FAM47E: variants seen among roughly 807,000 people sequenced by gnomAD.
FAM47E encodes protein FAM47E.
FAM47E carries 32 observed loss-of-function variants against 41.6 expected under a neutral mutation model. The ratio of observed to expected loss-of-function variants is 0.77; its 90% CI spans 0.58 to 1.03. FAM47E has a LOEUF of 1.03. Among genes scored for constraint, FAM47E ranks in the 50% least tolerant of loss-of-function variants. The pLI, the probability that FAM47E is intolerant of heterozygous loss-of-function variation, is 0.00. For synonymous variants in FAM47E, 184 were observed against 188.7 expected, an observed-to-expected ratio of 0.98 and a Z score of 0.20; for missense variants, 424 against 485.4, an observed-to-expected ratio of 0.87 and a Z score of 1.19.
At chr4:76,260,578 G>T (rs984443819) in intron 2 of FAM47E, among the ~76,000 whole-genome samples, 1 of 152,090 alleles carries the variant, frequency 6.6e-6, no homozygotes, top group East Asian at 1.9e-4. Flanking sequence ...GTGGACTAAA[G>T]ACTTAAATGT....
At chr4:76,280,086 C>G (rs1010063360) in intron 6 of FAM47E, 178 bp from the exon 7 acceptor site, 1 of 463,166 alleles carries the variant, frequency 2.2e-6, no homozygotes, top group South Asian at 3.7e-5. Flanking sequence ...GAAAGCTGGA[C>G]ATCTTTAAAA....
intron 5 of FAM47E, among the ~76,000 whole-genome samples, chr4:76,276,077 C>T (rs567804136): frequency 2.0e-5 from 3 of 150,440 alleles, no homozygotes; most frequent in Non-Finnish European, 4.5e-5. Flanking sequence ...CACCCCTCCC[C>T]TACATACAAA....
chr4:76,253,042 AC>A (rs1234291161), intron 1 of FAM47E, among the ~76,000 whole-genome samples: 1 of 152,008 alleles, frequency 6.6e-6, no homozygotes, highest in Non-Finnish European at 1.5e-5. Context: ...TTCTTTTCCC[AC>A]CCCAGCCTTG....
chr4:76,262,451 A>AT (rs1481937243), intron 2 of FAM47E, among the ~76,000 whole-genome samples: 1 of 151,926 alleles, frequency 6.6e-6, no homozygotes, highest in Non-Finnish European at 1.5e-5. Context: ...TGTAAGTGTT[A>AT]TTTTTTACAA....
rs142931819 is a variant in FAM47E, at chr4:76,222,561, C to T, written c.81+4873C>T. Among the ~76,000 whole-genome samples the T allele has an allele frequency of 7.4e-3, 1,127 of 152,226 alleles. 10 individuals carry two copies. The highest frequency in any genetic ancestry group is 0.012 in the Non-Finnish European group (798 of 67,990). On this transcript the variant is annotated intron_variant, in intron 2 of 7. Transcript: ENST00000510197. Reference sequence around the variant, plus strand: ...ATCTTCTCCTTAGTCCTTAACTCTCCGCTGCCTCCACCAGCCCTGTCCTAG... The same window carrying T: ...ATCTTCTCCTTAGTCCTTAACTCTCTGCTGCCTCCACCAGCCCTGTCCTAG...
chr4:76,214,995 G>A (rs2109976045), intron 1 of FAM47E, among the ~76,000 whole-genome samples: 1 of 152,360 alleles, frequency 6.6e-6, no homozygotes, highest in Non-Finnish European at 1.5e-5. Flanking sequence ...AGGCCATTGG[G>A]GTGGGGAATC....
Position 76,283,766 on chromosome 4 carries a change from G to A in FAM47E, c.*308G>A, listed in dbSNP as rs1444947724. 1.0e-5 allele frequency: 2 copies of A among 198,182 alleles called. No homozygotes were observed. The highest frequency in any genetic ancestry group is 2.0e-5 in the Non-Finnish European group (2 of 98,032). The allele number at this position is 198,182 out of a possible 1,614,324, so 12.3% of individuals were successfully genotyped here. A position where few individuals can be genotyped will look rare whatever the true frequency, so the allele number is the denominator to read the frequency against. On this transcript the variant is annotated 3_prime_UTR_variant, in exon 8 of 8. Transcript: ENST00000424749. ...TCAACTATTGGTAAAAATAAATAAA[G>A]GCATAAATAAAAACAGACTTACTCT...
chr4:76,231,094 A>G (rs1364218194), intron 2 of FAM47E, among the ~76,000 whole-genome samples: 12 of 152,166 alleles, frequency 7.9e-5, no homozygotes, highest in Admixed American at 7.9e-4. Flanking sequence ...TGCTAAGGTG[A>G]AACCGTAGAA....
At chr4:76,222,028 T>C (rs1733318360) in intron 2 of FAM47E, among the ~76,000 whole-genome samples, 1 of 152,174 alleles carries the variant, frequency 6.6e-6, no homozygotes, top group South Asian at 2.1e-4. Context: ...TATACTAATA[T>C]CTCTATATGA....
At chr4:76,278,469 T>C in intron 6 of FAM47E, 1 of 423,636 alleles carries the variant, frequency 2.4e-6, no homozygotes, top group South Asian at 1.0e-4. Context: ...CTACTCATGC[T>C]ATTCCACCAT....
chr4:76,250,324 T>A (rs1733925679), upstream of FAM47E, among the ~76,000 whole-genome samples: 2 of 152,186 alleles, frequency 1.3e-5, no homozygotes, highest in Admixed American at 1.3e-4. Flanking sequence ...TATCTAGCCT[T>A]TTTTCATATG....
At chr4:76,233,554 G>C (rs1423004523) in intron 2 of FAM47E, among the ~76,000 whole-genome samples, 1 of 143,434 alleles carries the variant, frequency 7.0e-6, no homozygotes, top group Non-Finnish European at 1.5e-5. Context: ...AAATTAATTA[G>C]AGCTCTTTTT....
chr4:76,248,178 T>G (rs1275987812), upstream of FAM47E, among the ~76,000 whole-genome samples: 2 of 151,986 alleles, frequency 1.3e-5, no homozygotes, highest in Non-Finnish European at 2.9e-5. Context: ...CCTCCCAAAG[T>G]GCTGGGATTA....
chr4:76,219,653 C>T lies in FAM47E; in HGVS notation c.81+1965C>T, dbSNP rs994206977. Reference sequence around the variant, plus strand: ...GGATGGAGAGTGAAGAGGGGACTGTCTGAGGGTAGAGGCAGACTTTGTCAG... The same window carrying T: ...GGATGGAGAGTGAAGAGGGGACTGTTTGAGGGTAGAGGCAGACTTTGTCAG... On this transcript the variant is annotated intron_variant, in intron 2 of 7. Coordinates refer to the FAM47E transcript ENST00000510197. Among the ~76,000 whole-genome samples the T allele has an allele frequency of 2.6e-5, 4 of 151,956 alleles. No homozygotes were observed. The South Asian group carries it at 8.3e-4, about 32-fold the overall frequency.
chr4:76,261,849 T>G (rs1734431642), intron 2 of FAM47E, among the ~76,000 whole-genome samples: 1 of 151,414 alleles, frequency 6.6e-6, no homozygotes. Flanking sequence ...AAATAAAAAG[T>G]TTTTTTTTAA....
intron 2 of FAM47E, among the ~76,000 whole-genome samples, 186 bp downstream of exon 2, chr4:76,256,709 A>G (rs1734209892): frequency 6.6e-6 from 1 of 152,160 alleles, no homozygotes; most frequent in African/African-American, 2.4e-5. Context: ...AGAAAACACA[A>G]TCAGCAGCAA....
intron 1 of FAM47E, 31 bp from the exon 2 acceptor site, chr4:76,256,147 T>C (rs1734181443): frequency 6.5e-7 from 1 of 1,536,944 alleles, no homozygotes; most frequent in Non-Finnish European, 8.8e-7. Flanking sequence ...TGTGGTATTC[T>C]AGGTACAAAG....
At chr4:76,265,038 T>G (rs1421408689) in intron 3 of FAM47E, among the ~76,000 whole-genome samples, 1 of 152,158 alleles carries the variant, frequency 6.6e-6, no homozygotes, top group Non-Finnish European at 1.5e-5. Flanking sequence ...ATGTAGAGCT[T>G]GTTGGTCACA....
chr4:76,230,084 T>C (rs1482791965), intron 2 of FAM47E, among the ~76,000 whole-genome samples: 1 of 152,142 alleles, frequency 6.6e-6, no homozygotes, highest in African/African-American at 2.4e-5. Flanking sequence ...GTCAGGGCCA[T>C]GAAGCTCCCA....
Sources: allele counts gnomAD v4.1 joint callset (sites outside exome capture counted in the v4.1 genomes callset), GRCh38; gene constraint gnomAD v4.1.1; transcripts MANE v1.5; gene names NCBI Gene and HGNC (gene_info 2026-07-23, HGNC 2026-07-21).